GRAMD2B: variants seen among roughly 807,000 people sequenced by gnomAD.
The protein encoded by GRAMD2B is GRAM domain-containing protein 2B.
A neutral mutation model predicts 59.2 loss-of-function variants in GRAMD2B; 41 were observed. The observed-to-expected ratio is 0.69, with a 90% CI of 0.54 to 0.90. GRAMD2B has a LOEUF of 0.90. Ranked by LOEUF, GRAMD2B falls within the 40% of genes least tolerant of loss-of-function variation. The probability of loss-of-function intolerance (pLI) is 0.00; values close to 1 mark genes in which losing one functional copy is unlikely to be tolerated. For missense variants in GRAMD2B, 424 were observed against 500.5 expected, an observed-to-expected ratio of 0.85 and a Z score of 1.46; for synonymous variants, 161 against 182.7, an observed-to-expected ratio of 0.88 and a Z score of 0.96.
At chr5:126,465,070 A>AGCGTGTGTACATGT in intron 1 of GRAMD2B, 1 of 1,054,746 alleles carries the variant, frequency 9.5e-7, no homozygotes, top group South Asian at 4.0e-5. Flanking sequence ...GCCACACGTG[A>AGCGTGTGTACATGT]GCGTGTGTAC....
At chr5:126,486,703 G>A (rs1041533591) in intron 11 of GRAMD2B, among the ~76,000 whole-genome samples, 170 bp from the exon 12 acceptor site, 3 of 152,138 alleles carry the variant, frequency 2.0e-5, no homozygotes, top group Non-Finnish European at 2.9e-5. Context: ...CTAGCTGTAA[G>A]TTTTATAACA....
At chr5:126,371,474 C>A (rs570304263) in exon 1 of GRAMD2B, 2 of 1,289,156 alleles carry the variant, frequency 1.6e-6, no homozygotes, top group East Asian at 1.1e-4. Flanking sequence ...TCTAGTGACA[C>A]GGTGTTCCGG....
intron 5 of GRAMD2B, among the ~76,000 whole-genome samples, chr5:126,473,715 A>G (rs1422569497): frequency 1.3e-5 from 2 of 152,186 alleles, no homozygotes; most frequent in African/African-American, 2.4e-5. Context: ...ATTTTCAAAG[A>G]CATACATTTA....
chr5:126,424,424 T>A (rs903300772), intron 1 of GRAMD2B, among the ~76,000 whole-genome samples: 1 of 152,204 alleles, frequency 6.6e-6, no homozygotes, highest in Non-Finnish European at 1.5e-5. Context: ...CTTGTTCTGG[T>A]ATCAGGATAT....
At chr5:126,363,018 T>C (rs570927874) in intron 1 of GRAMD2B, among the ~76,000 whole-genome samples, 7 of 152,280 alleles carry the variant, frequency 4.6e-5, no homozygotes, top group African/African-American at 1.2e-4. Context: ...AAGGACACCA[T>C]GAAGAAAGTG....
At chr5:126,403,986 CTT>C (rs373158000) in intron 1 of GRAMD2B, among the ~76,000 whole-genome samples, 15 of 151,956 alleles carry the variant, frequency 9.9e-5, no homozygotes, top group African/African-American at 3.4e-4. Context: ...AAATCCACCA[CTT>C]TGCCAAAAAA....
chr5:126,442,121 T>A (rs973955491), intron 1 of GRAMD2B, among the ~76,000 whole-genome samples: 1 of 151,008 alleles, frequency 6.6e-6, no homozygotes, highest in Non-Finnish European at 1.5e-5. Context: ...ACTATCCCAC[T>A]GAATACTAGA....
At chr5:126,474,491 A>G (rs1445268072) in intron 5 of GRAMD2B, among the ~76,000 whole-genome samples, 1 of 152,202 alleles carries the variant, frequency 6.6e-6, no homozygotes, top group Non-Finnish European at 1.5e-5. Context: ...CTGAATCAGT[A>G]TAATACAAAG....
chr5:126,395,715 A>G (rs1249286035), intron 1 of GRAMD2B, among the ~76,000 whole-genome samples: 1 of 152,168 alleles, frequency 6.6e-6, no homozygotes, highest in Non-Finnish European at 1.5e-5. Flanking sequence ...CAAAAGCAGC[A>G]AGAGAGAGCC....
At chr5:126,378,548 G>A (rs1755393930) in intron 1 of GRAMD2B, among the ~76,000 whole-genome samples, 1 of 152,070 alleles carries the variant, frequency 6.6e-6, no homozygotes. Context: ...ACCTGGATCT[G>A]CCCTCTGATT....
chr5:126,367,126 G>C (rs1754492185), upstream of GRAMD2B, among the ~76,000 whole-genome samples: 1 of 150,374 alleles, frequency 6.7e-6, no homozygotes. Context: ...CAAAGTGCTG[G>C]GATTACAGGC....
intron 1 of GRAMD2B, among the ~76,000 whole-genome samples, chr5:126,458,518 G>A (rs1046682923): frequency 1.1e-4 from 17 of 151,892 alleles, no homozygotes; most frequent in Admixed American, 5.2e-4. Flanking sequence ...ATCTTTGTAC[G>A]TTCATGGATA....
rs1269144807 is a variant in GRAMD2B at position 126,473,376 on chromosome 5, T to C, written c.486+8T>C. 3 of 1,174,072 alleles carry C rather than the reference T, an allele frequency of 2.6e-6. No individual in the cohort carries two copies. The highest frequency in any genetic ancestry group is 1.6e-5 in the African/African-American group (1 of 63,192). 72.7% of individuals were successfully genotyped at this position (1,174,072 alleles called of 1,614,324 possible). A position where few individuals can be genotyped will look rare whatever the true frequency, so the allele number is the denominator to read the frequency against. ...TTTGGAAAAGACACAAAGGTTGGTA[T>C]AATTAAAAAAAAAAATGCTAACCCT... On this transcript the variant is annotated splice_region_variant and intron_variant, in intron 5 of 13. Coordinates refer to ENST00000285689, the MANE Select transcript of GRAMD2B (RefSeq NM_023927.4).
chr5:126,419,596 T>C (rs1032891887), upstream of GRAMD2B, among the ~76,000 whole-genome samples: 1 of 151,982 alleles, frequency 6.6e-6, no homozygotes, highest in African/African-American at 2.4e-5. Context: ...CCCCCAAGAG[T>C]ATGAACAGAT....
chr5:126,465,319 G>A, intron 1 of GRAMD2B, 107 bp from the exon 2 acceptor site: 2 of 1,570,652 alleles, frequency 1.3e-6, no homozygotes, highest in South Asian at 2.4e-5. Flanking sequence ...CTATCAGTGA[G>A]GAATGAAAAT....
At chr5:126,490,147 T>C (rs1316196595) in intron 13 of GRAMD2B, 1 of 152,220 alleles carries the variant, frequency 6.6e-6, no homozygotes, top group Non-Finnish European at 1.5e-5. Context: ...GCTTTCTTCC[T>C]TTCTAAAACA....
intron 1 of GRAMD2B, among the ~76,000 whole-genome samples, chr5:126,432,091 G>T (rs908894668): frequency 6.6e-6 from 1 of 152,040 alleles, no homozygotes; most frequent in African/African-American, 2.4e-5. Flanking sequence ...ACCAGGCCTG[G>T]CTATTTTTCT....
At chr5:126,387,133 T>G (rs1756219187) in intron 1 of GRAMD2B, among the ~76,000 whole-genome samples, 1 of 152,082 alleles carries the variant, frequency 6.6e-6, no homozygotes, top group Non-Finnish European at 1.5e-5. Context: ...GCTATTTCAG[T>G]TCTCCCATAT....
intron 12 of GRAMD2B, among the ~76,000 whole-genome samples, chr5:126,487,713 A>T (rs1265599377): frequency 6.6e-6 from 1 of 152,216 alleles, no homozygotes; most frequent in South Asian, 2.1e-4. Flanking sequence ...TTTCCTCATT[A>T]TATTTTCACC....
Sources: gnomAD v4.1 joint callset for allele counts (sites outside exome capture counted in the v4.1 genomes callset) on GRCh38, gnomAD v4.1.1 for gene constraint, MANE v1.5 for transcripts, NCBI Gene and HGNC (gene_info 2026-07-23, HGNC 2026-07-21) for gene names.